Variants in EGFL6 observed in about 807,000 individuals in gnomAD.
EGFL6 encodes the protein epidermal growth factor-like protein 6.
EGFL6 carries 42 observed loss-of-function variants against 43.1 expected under a neutral mutation model. The observed-to-expected ratio is 0.98, with a 90% CI of 0.76 to 1.26. The LOEUF is 1.26. Among genes scored for constraint, EGFL6 ranks in the 50% most tolerant of loss-of-function variants. EGFL6 has a pLI of 0.00. For synonymous variants in EGFL6, 164 were observed against 163.2 expected (o/e 1.01, Z -0.04); for missense variants, 429 against 427.8 (o/e 1.00, Z -0.02).
intron 1 of EGFL6, among the ~76,000 whole-genome samples, chrX:13,587,574 T>G (rs1282188451): frequency 8.9e-6 from 1 of 111,987 alleles, no homozygotes; most frequent in African/African-American, 3.2e-5. Context: ...CTACAGAATA[T>G]TGGAGTTTAT....
chrX:13,629,631 T>G lies in EGFL6; in HGVS notation c.1551+2355T>G, dbSNP rs2045800125. Among the ~76,000 whole-genome samples, 3 of 112,087 alleles carry G rather than the reference T, an allele frequency of 2.7e-5. No homozygotes were observed. In the South Asian group the frequency reaches 1.1e-3, roughly 42 times the overall value. On this transcript the variant is annotated intron_variant, in intron 11 of 11. Transcript: ENST00000361306. ...TAAAGAATATATTCCAGTTTAGCAA[T>G]GTCATATTGGCTGTGGACATTTGTA...
chrX:13,573,467 ATAGT>A (rs764302470), intron 1 of EGFL6, among the ~76,000 whole-genome samples: 2 of 112,455 alleles, frequency 1.8e-5, no homozygotes, highest in Admixed American at 9.4e-5. Context: ...CCTTATTTCA[ATAGT>A]TAGTTTCACT....
chrX:13,572,069 CT>C (rs1454109459), intron 1 of EGFL6, among the ~76,000 whole-genome samples: 1 of 112,342 alleles, frequency 8.9e-6, no homozygotes, highest in Admixed American at 9.4e-5. Flanking sequence ...ACAATTAACG[CT>C]CATCAAATGA....
intron 3 of EGFL6, among the ~76,000 whole-genome samples, chrX:13,595,850 G>C (rs1383975593): frequency 9.1e-6 from 1 of 109,292 alleles, no homozygotes; most frequent in Non-Finnish European, 1.9e-5. Context: ...CTTCTGAGTA[G>C]CAGGGACCAC....
intron 9 of EGFL6, among the ~76,000 whole-genome samples, chrX:13,623,122 G>A (rs1295555542): frequency 9.1e-6 from 1 of 110,277 alleles, no homozygotes; most frequent in Non-Finnish European, 1.9e-5. Flanking sequence ...CTAGGAGGTA[G>A]AGGCTGTAGT....
chrX:13,574,556 T>C lies in EGFL6; in HGVS notation c.74+4621T>C, dbSNP rs1489895816. On this transcript the variant is annotated intron_variant, in intron 1 of 11. Transcript: ENST00000361306. ...ATAATTACATTTGGAGATAGGGTCT[T>C]TAAAGGAGCAGTTAAATTAAAATCA... Among the ~76,000 whole-genome samples, 3 of 111,170 alleles carry C rather than the reference T, an allele frequency of 2.7e-5. No individual in the cohort carries two copies. The Admixed American group carries it at 2.9e-4, about 11-fold the overall frequency.
intron 6 of EGFL6, 122 bp downstream of exon 6, chrX:13,606,635 T>A: frequency 1.3e-6 from 1 of 761,598 alleles, no homozygotes. Context: ...CTGACCAGCT[T>A]AACAATAAGG....
intron 9 of EGFL6, among the ~76,000 whole-genome samples, chrX:13,619,667 G>A (rs2045739301): frequency 8.9e-6 from 1 of 111,897 alleles, no homozygotes; most frequent in African/African-American, 3.2e-5. Context: ...AGCCCTCAGT[G>A]GCCTACAGCA....
rs374060170 is a variant in EGFL6, at chrX:13,591,436, G to A, written c.187+1768G>A. On this transcript the variant is annotated intron_variant, in intron 2 of 11. Coordinates refer to ENST00000361306, the MANE Select transcript of EGFL6 (RefSeq NM_015507.4). ...TGCAAGTTTTGCAAGCTGAAGAGAC[G>A]GTCAGCACACCTACTGCTCCAGTCA... 1.5e-4 allele frequency among the ~76,000 whole-genome samples: 17 copies of A among 111,563 alleles called. No homozygotes were observed. The East Asian group carries it at 2.8e-3, about 19-fold the overall frequency.
intron 1 of EGFL6, 142 bp downstream of exon 1, chrX:13,570,077 T>A: frequency 1.7e-6 from 1 of 605,024 alleles, no homozygotes; most frequent in Non-Finnish European, 2.6e-6. Context: ...GGATTTAACC[T>A]GGATACCAGG....
intron 3 of EGFL6, among the ~76,000 whole-genome samples, chrX:13,598,475 C>T (rs944920730): frequency 2.7e-5 from 3 of 111,498 alleles, no homozygotes; most frequent in Admixed American, 1.9e-4. Flanking sequence ...CCAAAGGCGA[C>T]ATCCTCTACA....
chrX:13,587,996 G>C (rs2045542813), intron 1 of EGFL6, among the ~76,000 whole-genome samples: 1 of 112,011 alleles, frequency 8.9e-6, no homozygotes, highest in Admixed American at 9.5e-5. Flanking sequence ...TGTAGATAAA[G>C]ACCATTGTTA....
chrX:13,574,031 G>T (rs913533916), intron 1 of EGFL6, among the ~76,000 whole-genome samples: 1 of 112,136 alleles, frequency 8.9e-6, no homozygotes, highest in Non-Finnish European at 1.9e-5. Flanking sequence ...ACCCCAGGAA[G>T]TTCTGGTAGA....
chrX:13,619,215 A>C lies in EGFL6; in HGVS notation c.1155A>C (p.Lys385Asn). The C allele has an allele frequency of 8.3e-7, 1 of 1,211,118 alleles. No individual in the cohort carries two copies. The highest frequency in any genetic ancestry group is 3.0e-5 in the East Asian group (1 of 33,859). ...TCGGCCTGATTCTGGTCCAAAGGAA[A>C]GCGCTAACTTCCAAACTGGAACATA... ...GEFGLILVQR[K>N]ALTSKLEHKD... The change falls in exon 9 of 12, where the codon AAA becomes AAC. Residue 385 changes from lysine to asparagine, a missense_variant. Transcript: ENST00000361306.
At chrX:13,597,093 C>G (rs907307272) in intron 3 of EGFL6, among the ~76,000 whole-genome samples, 11 of 112,029 alleles carry the variant, frequency 9.8e-5, no homozygotes, top group Admixed American at 1.9e-4. Flanking sequence ...AGGGATGCCG[C>G]TAAACATCCT....
intron 9 of EGFL6, among the ~76,000 whole-genome samples, chrX:13,620,729 G>A (rs1398043150): frequency 1.8e-5 from 2 of 111,367 alleles, no homozygotes; most frequent in African/African-American, 6.5e-5. Flanking sequence ...TCATTGTACA[G>A]GGGGTAAGCT....
chrX:13,626,920 A>C (rs778624559), intron 10 of EGFL6, 91 bp from the exon 11 acceptor site: 10 of 983,581 alleles, frequency 1.0e-5, no homozygotes, highest in Non-Finnish European at 1.4e-5. Context: ...ATAGGAGACT[A>C]TTGTTTACTT....
chrX:13,592,728 G>A (rs1486341140), intron 2 of EGFL6, among the ~76,000 whole-genome samples: 1 of 109,248 alleles, frequency 9.2e-6, no homozygotes, highest in Non-Finnish European at 1.9e-5. Context: ...GGTGGTCCTT[G>A]AAGAATGGGG....
At chrX:13,592,494 CAA>C in intron 2 of EGFL6, among the ~76,000 whole-genome samples, 1 of 112,058 alleles carries the variant, frequency 8.9e-6, no homozygotes, top group South Asian at 3.7e-4. Context: ...ACAGGGGAAA[CAA>C]TGATGAATGT....
Sources: allele counts gnomAD v4.1 joint callset (sites outside exome capture counted in the v4.1 genomes callset), GRCh38; gene constraint gnomAD v4.1.1; transcripts MANE v1.5; gene names NCBI Gene and HGNC (gene_info 2026-07-23, HGNC 2026-07-21).